The following PUF60 variants were observed in gnomAD, a reference collection of about 807,000 sequenced individuals.
PUF60 encodes poly(U)-binding-splicing factor PUF60.
PUF60 carries 10 observed loss-of-function variants against 61.8 expected under a neutral mutation model. That is an observed-to-expected ratio of 0.16 (90% CI 0.10 to 0.27). PUF60 has a LOEUF of 0.27. Among genes scored for constraint, PUF60 ranks in the 10% least tolerant of loss-of-function variants. PUF60 has a pLI of 1.00. For missense variants in PUF60, 371 were observed against 754.0 expected (o/e 0.49, Z 5.95); for synonymous variants, 353 against 300.9 (o/e 1.17, Z -1.79).
At chr8:143,829,025 G>T (rs1464445106) in intron 1 of PUF60, 93 of 999,898 alleles carry the variant, frequency 9.3e-5, no homozygotes, top group Non-Finnish European at 1.1e-4. Flanking sequence ...CGCCCGCAAG[G>T]GCCACACGCC....
chr8:143,829,111 G>T, intron 1 of PUF60, 169 bp downstream of exon 1: 2 of 1,153,648 alleles, frequency 1.7e-6, no homozygotes, highest in Non-Finnish European at 2.1e-6. Flanking sequence ...GCCGGCCGCC[G>T]GCGCGCGCCC....
chr8:143,821,405 G>T, intron 4 of PUF60, 192 bp downstream of exon 4: 1 of 613,688 alleles, frequency 1.6e-6, no homozygotes. Flanking sequence ...GCTCCAGCGA[G>T]CAACAGGTGG....
intron 1 of PUF60, among the ~76,000 whole-genome samples, chr8:143,828,734 C>T (rs1220764675): frequency 6.6e-6 from 1 of 152,206 alleles, no homozygotes; most frequent in Non-Finnish European, 1.5e-5. Context: ...TCCTTCCTTT[C>T]CACGTGGAGA....
In PUF60 at chr8:143,818,096, T is replaced by C. The variant is rs755011164; in HGVS notation, c.604-21A>G. 29 of 1,609,064 alleles carry C rather than the reference T, an allele frequency of 1.8e-5. No individual in the cohort carries two copies. Among genetic ancestry groups the C allele is most frequent in the East Asian group, 2.2e-5 (1 of 44,826 alleles). ...CCCACCTGGGGAAGAGGCGGTGAGA[T>C]GGAAAGACCGGTCAACCCAGGCCCG... On this transcript the variant is annotated intron_variant, in intron 7 of 11. Coordinates refer to ENST00000526683, the MANE Select transcript of PUF60 (RefSeq NM_078480.3). This position sits in a 1 kb window ranked among gnomAD's most constrained non-coding sequence, Gnocchi z 7.9.
chr8:143,820,333 G>T (rs72693361), intron 5 of PUF60: 5,136 of 382,744 alleles, frequency 0.013, 49 homozygotes, highest in Non-Finnish European at 0.018. Flanking sequence ...TGACGGGGCT[G>T]GAGGCCGTGG....
intron 2 of PUF60, 124 bp from the exon 3 acceptor site, chr8:143,822,037 C>A: frequency 1.4e-6 from 1 of 693,274 alleles, no homozygotes; most frequent in East Asian, 2.7e-5. Context: ...GCCCTTCTGA[C>A]ATTGCTGTCC....
chr8:143,822,006 G>T, intron 2 of PUF60, 93 bp from the exon 3 acceptor site: 2 of 942,128 alleles, frequency 2.1e-6, no homozygotes, highest in Non-Finnish European at 3.1e-6. Flanking sequence ...ACTGTCCCCT[G>T]CCTGGCCTGT....
At chr8:143,825,586 A>G (rs1316210718) in intron 1 of PUF60, among the ~76,000 whole-genome samples, 1 of 151,946 alleles carries the variant, frequency 6.6e-6, no homozygotes. Flanking sequence ...GCGGTGGTGC[A>G]ACTACGGCTT....
chr8:143,819,701 C>T (rs1259821634), intron 5 of PUF60, among the ~76,000 whole-genome samples: 2 of 152,176 alleles, frequency 1.3e-5, no homozygotes, highest in African/African-American at 2.4e-5. Context: ...TCAGGCTCCC[C>T]ACTCAGAGCA....
chr8:143,826,413 AT>A (rs1236995752), intron 1 of PUF60, among the ~76,000 whole-genome samples: 13 of 152,090 alleles, frequency 8.5e-5, no homozygotes, highest in Non-Finnish European at 1.8e-4. Context: ...GAAAAAAAAG[AT>A]TTTTTTAAAA....
At chr8:143,824,513 A>G (rs1369687008) in intron 1 of PUF60, 114 bp from the exon 2 acceptor site, 1 of 1,108,228 alleles carries the variant, frequency 9.0e-7, no homozygotes, top group Non-Finnish European at 1.3e-6. Flanking sequence ...GAGGCCAGGC[A>G]GGGAGGCATT....
intron 2 of PUF60, chr8:143,822,453 T>A (rs752574173): frequency 1.8e-5 from 8 of 454,994 alleles, no homozygotes; most frequent in African/African-American, 4.0e-5. Context: ...CCAACAGTGC[T>A]CCCCCCACCG....
intron 2 of PUF60, 54 bp downstream of exon 2, chr8:143,824,259 C>T (rs999781032): frequency 1.4e-5 from 21 of 1,488,646 alleles, no homozygotes; most frequent in East Asian, 2.6e-5. Flanking sequence ...GGCAGGCGGG[C>T]GGGCGGGCGG....
At chr8:143,826,588 A>C (rs1484861930) in intron 1 of PUF60, among the ~76,000 whole-genome samples, 2 of 152,034 alleles carry the variant, frequency 1.3e-5, no homozygotes, top group Non-Finnish European at 2.9e-5. Flanking sequence ...GGTGGCAAGC[A>C]CCTGTAATCC....
chr8:143,826,182 G>A (rs1177907800), intron 1 of PUF60, among the ~76,000 whole-genome samples: 1 of 152,230 alleles, frequency 6.6e-6, no homozygotes, highest in Non-Finnish European at 1.5e-5. Context: ...TTGGAGGGAT[G>A]GGAAGCCCCT....
intron 5 of PUF60, chr8:143,820,455 C>A: frequency 1.6e-6 from 1 of 613,178 alleles, no homozygotes; most frequent in Middle Eastern, 4.4e-4. Flanking sequence ...TTAAGGTGGG[C>A]CCTCAGAGCA....
intron 4 of PUF60, chr8:143,821,272 C>T (rs887387804): frequency 1.0e-4 from 53 of 518,250 alleles, no homozygotes; most frequent in Middle Eastern, 5.1e-4. Flanking sequence ...CTGCCACCAT[C>T]GGCTGTGCAC....
At chr8:143,824,751 T>G in intron 1 of PUF60, 1 of 337,818 alleles carries the variant, frequency 3.0e-6, no homozygotes. Context: ...GTGTCCCCCA[T>G]GCCCTCCTGA....
chr8:143,816,652 A>G lies in PUF60; in HGVS notation c.1548T>C (p.Phe516=), dbSNP rs1816325915. 1 of 1,613,774 alleles carries G rather than the reference A, an allele frequency of 6.2e-7. No individual in the cohort carries two copies. The highest frequency in any genetic ancestry group is 8.5e-7 in the Non-Finnish European group (1 of 1,179,838). ...TCTCAGAGGCTATGGAAAACTCCAC[A>G]AAGATCTTGACAATGATTTCTGCAT... ...EEDAEIIVKI[F]VEFSIASETH... Residue 516 remains phenylalanine (F), a synonymous_variant, in exon 12 of 12, where the codon TTT becomes TTC. Transcript: ENST00000526683.
Sources: gnomAD v4.1 joint callset for allele counts (sites outside exome capture counted in the v4.1 genomes callset) on GRCh38, gnomAD v4.1.1 for gene constraint, Gnocchi (gnomAD v3.1) non-coding constraint, MANE v1.5 for transcripts, NCBI Gene and HGNC (gene_info 2026-07-23, HGNC 2026-07-21) for gene names.